Variants in ERBB4 observed in about 807,000 individuals in gnomAD.
ERBB4 encodes erb-b2 receptor tyrosine kinase 4.
In ERBB4, 42 loss-of-function variants were observed where a neutral mutation model predicts 158.0. The ratio of observed to expected loss-of-function variants is 0.27; its 90% confidence interval spans 0.21 to 0.34. ERBB4 has a LOEUF of 0.34. Ranked by LOEUF, ERBB4 falls within the 10% of genes least tolerant of loss-of-function variation. The probability of loss-of-function intolerance (pLI) is 1.00; values close to 1 mark genes in which losing one functional copy is unlikely to be tolerated. For synonymous variants in ERBB4, 583 were observed against 558.7 expected, an observed-to-expected ratio of 1.04 and a Z score of -0.61; for missense variants, 1,333 against 1,624.1, an observed-to-expected ratio of 0.82 and a Z score of 3.08.
chr2:212,319,358 T>C (rs1444877394), intron 1 of ERBB4, among the ~76,000 whole-genome samples: 1 of 148,838 alleles, frequency 6.7e-6, no homozygotes, highest in African/African-American at 2.4e-5. Flanking sequence ...GTTTAACTGT[T>C]CTGGTTTGTT....
rs1690693450 is a variant in ERBB4, at chr2:212,498,250, A to G, written c.82+40199T>C. 2.0e-5 allele frequency among the ~76,000 whole-genome samples: 3 copies of G among 152,068 alleles called. No homozygotes were observed. The South Asian group carries it at 6.2e-4, about 32-fold the overall frequency. ...TTTGAACCTCCAGTCTTTCAAATGG[A>G]AGTATCCAAGGATCAAAGAGGCTAC... On this transcript the variant is annotated intron_variant, in intron 1 of 27. Coordinates refer to ENST00000342788, the MANE Select transcript of ERBB4 (RefSeq NM_005235.3).
At chr2:211,836,026 CA>C (rs2077333326) in intron 3 of ERBB4, among the ~76,000 whole-genome samples, 2 of 151,892 alleles carry the variant, frequency 1.3e-5, no homozygotes, top group Admixed American at 6.6e-5. Flanking sequence ...ACTTAAAAGG[CA>C]AAGAAATGCT....
intron 16 of ERBB4, among the ~76,000 whole-genome samples, chr2:211,637,724 A>G (rs2070413868): frequency 6.6e-6 from 1 of 152,018 alleles, no homozygotes; most frequent in Non-Finnish European, 1.5e-5. Context: ...GATGTAACAC[A>G]TATCTTGTAA....
intron 4 of ERBB4, among the ~76,000 whole-genome samples, chr2:211,765,667 G>C (rs2075534864): frequency 6.6e-6 from 1 of 152,104 alleles, no homozygotes; most frequent in Non-Finnish European, 1.5e-5. Flanking sequence ...ATTCCACTAA[G>C]AATGTATAGC....
chr2:211,763,762 T>C (rs2106247042), intron 4 of ERBB4, among the ~76,000 whole-genome samples: 1 of 151,718 alleles, frequency 6.6e-6, no homozygotes, highest in South Asian at 2.1e-4. Context: ...TGGAAAAGAT[T>C]AGGTAGCTCC....
chr2:211,958,049 C>A (rs2081079259), intron 2 of ERBB4, among the ~76,000 whole-genome samples: 1 of 152,022 alleles, frequency 6.6e-6, no homozygotes, highest in Non-Finnish European at 1.5e-5. Context: ...AAATGAAAAG[C>A]ATGAGCAATC....
At chr2:212,125,596 G>C (rs1233109369) in intron 1 of ERBB4, among the ~76,000 whole-genome samples, 1 of 152,026 alleles carries the variant, frequency 6.6e-6, no homozygotes, top group African/African-American at 2.4e-5. Flanking sequence ...ATAGGCCCCA[G>C]GGTATGTTTT....
At chr2:212,319,891 C>G (rs559000869) in intron 1 of ERBB4, among the ~76,000 whole-genome samples, 7 of 150,182 alleles carry the variant, frequency 4.7e-5, no homozygotes, top group African/African-American at 1.7e-4. Flanking sequence ...AACTTCATGT[C>G]GTTCCAAAGC....
intron 20 of ERBB4, among the ~76,000 whole-genome samples, chr2:211,448,754 T>G (rs187694563): frequency 6.6e-6 from 1 of 152,282 alleles, no homozygotes; most frequent in African/African-American, 2.4e-5. Flanking sequence ...AGGAATTACT[T>G]TAATAAAATA....
At chr2:212,154,149 T>A (rs1005402834) in intron 1 of ERBB4, among the ~76,000 whole-genome samples, 1 of 152,160 alleles carries the variant, frequency 6.6e-6, no homozygotes, top group Non-Finnish European at 1.5e-5. Context: ...AATGAATGAA[T>A]GAATTCTTTC....
At chr2:212,072,147 G>A (rs1418879531) in intron 2 of ERBB4, among the ~76,000 whole-genome samples, 1 of 151,958 alleles carries the variant, frequency 6.6e-6, no homozygotes, top group Non-Finnish European at 1.5e-5. Context: ...TTCAGGTCAA[G>A]GGACAGTGAA....
At chr2:212,488,250 C>T (rs193014242) in intron 1 of ERBB4, among the ~76,000 whole-genome samples, 62 of 152,096 alleles carry the variant, frequency 4.1e-4, no homozygotes, top group African/African-American at 1.4e-3. Flanking sequence ...CCTCTCTTGG[C>T]TTCTTGAATA....
At chr2:211,781,377 G>T (rs373372782) in intron 4 of ERBB4, among the ~76,000 whole-genome samples, 2 of 152,150 alleles carry the variant, frequency 1.3e-5, no homozygotes, top group East Asian at 3.9e-4. Flanking sequence ...TGGTATCTAT[G>T]AATTTGCCAA....
intron 20 of ERBB4, among the ~76,000 whole-genome samples, chr2:211,462,472 G>A (rs1374921435): frequency 2.0e-5 from 3 of 152,238 alleles, no homozygotes; most frequent in South Asian, 2.1e-4. Flanking sequence ...ATAAGTGAGC[G>A]AGAGTTACCT....
At chr2:212,293,853 A>C (rs899804290) in intron 1 of ERBB4, among the ~76,000 whole-genome samples, 5 of 139,356 alleles carry the variant, frequency 3.6e-5, no homozygotes, top group East Asian at 2.0e-4. Flanking sequence ...GTCTCAAAAA[A>C]AAAAACAAAA....
intron 2 of ERBB4, among the ~76,000 whole-genome samples, chr2:212,051,565 C>G (rs528162836): frequency 6.6e-6 from 1 of 152,204 alleles, no homozygotes; most frequent in East Asian, 1.9e-4. Flanking sequence ...AACGAGAAAG[C>G]AAATGACAAC....
At chr2:211,650,825 CATT>C (rs1412318341) in intron 16 of ERBB4, among the ~76,000 whole-genome samples, 3 of 152,156 alleles carry the variant, frequency 2.0e-5, no homozygotes, top group African/African-American at 7.2e-5. Context: ...TGATATAACA[CATT>C]ATTAATAAGA....
intron 1 of ERBB4, among the ~76,000 whole-genome samples, chr2:212,129,017 G>T (rs1262969805): frequency 2.6e-5 from 4 of 151,788 alleles, no homozygotes; most frequent in Non-Finnish European, 5.9e-5. Flanking sequence ...GTTGAGAAAA[G>T]GTATTATTAT....
chr2:211,500,061 G>C (rs2065578589), intron 20 of ERBB4, among the ~76,000 whole-genome samples: 1 of 152,096 alleles, frequency 6.6e-6, no homozygotes, highest in Admixed American at 6.5e-5. Context: ...CCAAACATAT[G>C]AAAGTGTGAA....
Sources: allele counts gnomAD v4.1 joint callset (sites outside exome capture counted in the v4.1 genomes callset), GRCh38; gene constraint gnomAD v4.1.1; transcripts MANE v1.5; gene names NCBI Gene and HGNC (gene_info 2026-07-23, HGNC 2026-07-21).